Variants in MTMR8 observed in about 807,000 individuals in gnomAD.
MTMR8 encodes phosphatidylinositol-3,5-bisphosphate 3-phosphatase MTMR8.
MTMR8 carries 65 observed loss-of-function variants against 39.3 expected under a neutral mutation model. The ratio of observed to expected loss-of-function variants is 1.65; its 90% CI spans 1.35 to 2.03. The LOEUF is 2.03. Among genes scored for constraint, MTMR8 ranks in the 30% most tolerant of loss-of-function variants. The pLI, the probability that MTMR8 is intolerant of heterozygous loss-of-function variation, is 0.00. For synonymous variants in MTMR8, 245 were observed against 185.2 expected (o/e 1.32, Z -2.62); for missense variants, 777 against 538.9 (o/e 1.44, Z -4.37).
At chrX:64,315,734 T>C (rs927618182) in intron 12 of MTMR8, among the ~76,000 whole-genome samples, 3 of 111,993 alleles carry the variant, frequency 2.7e-5, no homozygotes, top group Admixed American at 9.5e-5. Flanking sequence ...ACATTTAAGA[T>C]AATTATATAT....
intron 1 of MTMR8, among the ~76,000 whole-genome samples, chrX:64,377,599 CTATTG>C (rs1924304334): frequency 8.9e-6 from 1 of 112,535 alleles, no homozygotes; most frequent in Non-Finnish European, 1.9e-5. Context: ...GCCTGTACCT[CTATTG>C]TATCTGGAAG....
intron 1 of MTMR8, among the ~76,000 whole-genome samples, chrX:64,385,473 A>T (rs1203476741): frequency 8.9e-6 from 1 of 111,883 alleles, no homozygotes; most frequent in Non-Finnish European, 1.9e-5. Flanking sequence ...TTTCTGTATT[A>T]GGCTGTTCTT....
chrX:64,376,963 G>GCTAAAAGAA (rs1221566153), intron 1 of MTMR8, among the ~76,000 whole-genome samples: 7 of 111,922 alleles, frequency 6.3e-5, no homozygotes, highest in African/African-American at 2.3e-4. Context: ...TCCAGCCATG[G>GCTAAAAGAA]CTAAAAGAAC....
intron 1 of MTMR8, among the ~76,000 whole-genome samples, chrX:64,369,222 T>A (rs1278856651): frequency 2.7e-5 from 3 of 111,596 alleles, no homozygotes; most frequent in African/African-American, 6.5e-5. Context: ...CTCAAGGATC[T>A]AGAACTAGAA....
chrX:64,370,398 G>A (rs973096997), intron 1 of MTMR8, among the ~76,000 whole-genome samples: 2 of 109,471 alleles, frequency 1.8e-5, no homozygotes, highest in African/African-American at 3.3e-5. Flanking sequence ...AAGGAAAGGC[G>A]AGATGCTTGT....
intron 1 of MTMR8, among the ~76,000 whole-genome samples, chrX:64,368,100 T>C (rs1924026632): frequency 9.0e-6 from 1 of 111,220 alleles, no homozygotes; most frequent in African/African-American, 3.3e-5. Flanking sequence ...CTCAACAAAA[T>C]AAAAGAGGAC....
At chrX:64,381,677 C>T (rs1251715777) in intron 1 of MTMR8, among the ~76,000 whole-genome samples, 4 of 110,813 alleles carry the variant, frequency 3.6e-5, no homozygotes, top group South Asian at 3.8e-4. Context: ...AAGTCCTTGC[C>T]CATGCCTATG....
chrX:64,366,637 G>A (rs1281744828), intron 1 of MTMR8, among the ~76,000 whole-genome samples: 1 of 112,033 alleles, frequency 8.9e-6, no homozygotes, highest in Non-Finnish European at 1.9e-5. Context: ...AGCACTAAAT[G>A]CCCACAAGAG....
intron 12 of MTMR8, among the ~76,000 whole-genome samples, chrX:64,288,990 A>C (rs1007604158): frequency 9.1e-6 from 1 of 110,266 alleles, no homozygotes; most frequent in African/African-American, 3.3e-5. Context: ...CATGTTGTGC[A>C]CATGTACCCT....
At chrX:64,374,877 G>A (rs995932567) in intron 1 of MTMR8, among the ~76,000 whole-genome samples, 8 of 109,122 alleles carry the variant, frequency 7.3e-5, no homozygotes, top group African/African-American at 2.7e-4. Context: ...GGCAGAGATT[G>A]GAGCGATGGA....
chrX:64,274,453 C>A (rs1037305249), intron 12 of MTMR8, among the ~76,000 whole-genome samples: 6 of 111,900 alleles, frequency 5.4e-5, no homozygotes, highest in African/African-American at 1.9e-4. Flanking sequence ...GCAGCAAAGG[C>A]AGTATTAAGA....
At chrX:64,350,242 A>T (rs1354683235) in intron 4 of MTMR8, among the ~76,000 whole-genome samples, 172 bp from the exon 5 acceptor site, 1 of 110,085 alleles carries the variant, frequency 9.1e-6, no homozygotes, top group Non-Finnish European at 1.9e-5. Flanking sequence ...CCACCCCAAG[A>T]CTAGTGTTTT....
At chrX:64,374,154 G>T (rs1216365435) in intron 1 of MTMR8, among the ~76,000 whole-genome samples, 1 of 111,574 alleles carries the variant, frequency 9.0e-6, no homozygotes, top group Non-Finnish European at 1.9e-5. Context: ...GTTGAAGAAT[G>T]CAAACATGAA....
intron 12 of MTMR8, among the ~76,000 whole-genome samples, chrX:64,283,541 G>T (rs767681801): frequency 1.4e-4 from 16 of 112,330 alleles, no homozygotes; most frequent in South Asian, 7.4e-4. Flanking sequence ...GTGGGTCCCT[G>T]ATCCCAGAAT....
At chrX:64,346,583 C>G (rs1373328140) in intron 6 of MTMR8, among the ~76,000 whole-genome samples, 3 of 109,747 alleles carry the variant, frequency 2.7e-5, no homozygotes, top group Admixed American at 9.7e-5. Context: ...ACTACCCAGG[C>G]CTGGGTAGGC....
chrX:64,315,096 T>A (rs1467590789), intron 12 of MTMR8, among the ~76,000 whole-genome samples: 1 of 111,835 alleles, frequency 8.9e-6, no homozygotes, highest in Non-Finnish European at 1.9e-5. Context: ...AATACAGATG[T>A]TCCTGCACCA....
chrX:64,302,343 C>T (rs1239541472), intron 12 of MTMR8, among the ~76,000 whole-genome samples: 1 of 112,536 alleles, frequency 8.9e-6, no homozygotes, highest in Non-Finnish European at 1.9e-5. Context: ...GTGCGTCTGT[C>T]ACCCCTTTCT....
intron 12 of MTMR8, among the ~76,000 whole-genome samples, chrX:64,275,648 C>CAAAA (rs60193863): frequency 1.5e-4 from 6 of 40,435 alleles, no homozygotes; most frequent in Admixed American, 3.1e-4. Context: ...GAGTCTCTCT[C>CAAAA]AAAAAAAAAA....
intron 3 of MTMR8, among the ~76,000 whole-genome samples, chrX:64,355,384 C>G (rs1306261210): frequency 9.0e-6 from 1 of 111,369 alleles, no homozygotes; most frequent in Non-Finnish European, 1.9e-5. Context: ...TATAAATGGC[C>G]CCTTCCTCTC....
Sources: allele counts gnomAD v4.1 joint callset (sites outside exome capture counted in the v4.1 genomes callset), GRCh38; gene constraint gnomAD v4.1.1; transcripts MANE v1.5; gene names NCBI Gene and HGNC (gene_info 2026-07-23, HGNC 2026-07-21).